ACIN1: variants seen among roughly 807,000 people sequenced by gnomAD.
ACIN1 encodes the protein apoptotic chromatin condensation inducer 1, also known as apoptotic chromatin condensation inducer in the nucleus.
A neutral mutation model predicts 146.6 loss-of-function variants in ACIN1; 16 were observed. The ratio of observed to expected loss-of-function variants is 0.11; its 90% CI spans 0.07 to 0.17. The LOEUF (loss-of-function observed/expected upper bound fraction) is 0.17. ACIN1 is among the 10% of genes least tolerant of loss of function. The pLI, the probability that ACIN1 is intolerant of heterozygous loss-of-function variation, is 1.00. For missense variants in ACIN1, 1,357 were observed against 1,609.3 expected, an observed-to-expected ratio of 0.84 and a Z score of 2.68; for synonymous variants, 569 against 582.7, an observed-to-expected ratio of 0.98 and a Z score of 0.34.
chr14:23,086,357 T>C (rs1037728722), intron 4 of ACIN1, among the ~76,000 whole-genome samples: 18 of 152,188 alleles, frequency 1.2e-4, no homozygotes, highest in African/African-American at 3.6e-4. Flanking sequence ...TGAGCTCTTT[T>C]TGAAAAAATT....
Position 23,064,427 on chromosome 14 carries a change from T to C in ACIN1, c.2370A>G (p.Lys790=). The change falls in exon 11 of 19, where the codon AAA becomes AAG. Residue 790 remains lysine, a synonymous_variant. Transcript: ENST00000605057. Reference sequence around the variant, plus strand: ...TGGCTGTGCTGGCTCCCCAGCGTCGTTTCCGACCAGGCTGGCCCCCCTCTG... The same window carrying C: ...TGGCTGTGCTGGCTCCCCAGCGTCGCTTCCGACCAGGCTGGCCCCCCTCTG... ...SDTEGGQPGR[K]RRWGASTATT... 2 of 1,614,276 alleles carry C rather than the reference T, an allele frequency of 1.2e-6. No homozygotes were observed. The highest frequency in any genetic ancestry group is 1.7e-6 in the Non-Finnish European group (2 of 1,180,042).
At chr14:23,094,478 C>G (rs1035044905) in intron 1 of ACIN1, 56 of 985,118 alleles carry the variant, frequency 5.7e-5, no homozygotes, top group Non-Finnish European at 6.6e-5. Flanking sequence ...AAATAAAGGT[C>G]TCTCTTCATC....
intron 4 of ACIN1, among the ~76,000 whole-genome samples, chr14:23,086,599 C>A (rs535195989): frequency 6.6e-6 from 1 of 152,222 alleles, no homozygotes; most frequent in Admixed American, 6.5e-5. Context: ...AATCTTCCCA[C>A]CTCAGCCTCC....
At position 23,067,468 on chromosome 14, in the gene ACIN1, G is replaced by T; in HGVS notation, c.2266-1460C>A. 1 of 982,650 alleles carries T rather than the reference G, an allele frequency of 1.0e-6. No individual in the cohort carries two copies. The highest frequency in any genetic ancestry group is 1.2e-6 in the Non-Finnish European group (1 of 828,728). The allele number at this position is 982,650 out of a possible 1,614,324, so 60.9% of individuals were successfully genotyped here. Reference sequence around the variant, plus strand: ...GGGCGCACGGCGTGGTAGTCAGCACGGCACTGCCAGAGTCCTCCCAGGGGC... The same window carrying T: ...GGGCGCACGGCGTGGTAGTCAGCACTGCACTGCCAGAGTCCTCCCAGGGGC... On this transcript the variant is annotated intron_variant, in intron 9 of 18. Coordinates refer to ENST00000605057, the MANE Select transcript of ACIN1 (RefSeq NM_001386863.1). The surrounding 1 kb of genome is among the most constrained non-coding windows in gnomAD (Gnocchi z 4.6).
chr14:23,090,208 C>G, intron 3 of ACIN1, 107 bp from the exon 4 acceptor site: 2 of 1,445,628 alleles, frequency 1.4e-6, no homozygotes, highest in East Asian at 2.3e-5. Context: ...TACAGAGATA[C>G]ATACCAAAAA....
rs2047281612 is a variant in ACIN1, at chr14:23,061,561, C to T, written c.3161G>A (p.Gly1054Glu). 1.3e-6 allele frequency: 2 copies of T among 1,575,740 alleles called. No individual in the cohort carries two copies. Among genetic ancestry groups the T allele is most frequent in the Non-Finnish European group, 1.7e-6 (2 of 1,161,630 alleles). ...RPSETKTEEQ[G>E]IPRPLHPPPP... ...TGGGGGGTGCAGGGGCCGTGGTATT[C>T]CCTGCTCCTCTGTCTTAGTTTCAGA... The change falls in exon 17 of 19, where the codon GGA becomes GAA. Residue 1054 changes from glycine (G) to glutamate (E), a missense_variant. This residue lies in a region of ACIN1 where 509 missense variants were observed against 719.6 expected (regional missense o/e 0.71). Transcript: ENST00000605057.
chr14:23,068,608 G>A lies in ACIN1; in HGVS notation c.2265+868C>T, dbSNP rs770745856. ...AGCGGGTGGGTCCAGAGGAAGAGGC[G>A]GCATCAGCGATTGGCCAGTTGGGCA... On this transcript the variant is annotated intron_variant, in intron 9 of 18. Transcript: ENST00000605057. The surrounding 1 kb of genome is among the most constrained non-coding windows in gnomAD (Gnocchi z 4.3). The A allele has an allele frequency of 8.1e-6, 8 of 985,922 alleles. No individual in the cohort carries two copies. The Admixed American group carries it at 2.5e-4, about 30-fold the overall frequency. 61.1% of individuals were successfully genotyped at this position (985,922 alleles called of 1,614,324 possible).
intron 2 of ACIN1, among the ~76,000 whole-genome samples, chr14:23,092,136 T>C (rs2048245543): frequency 6.6e-6 from 1 of 152,108 alleles, no homozygotes; most frequent in Non-Finnish European, 1.5e-5. Context: ...AAGTTGCCCT[T>C]CTGACCTCCA....
chr14:23,061,993 AG>A (rs2047306604), intron 16 of ACIN1, among the ~76,000 whole-genome samples, 174 bp downstream of exon 16: 2 of 150,038 alleles, frequency 1.3e-5, no homozygotes, highest in African/African-American at 2.5e-5. Context: ...AAAAAAAAAA[AG>A]GAGCCCAGGT....
At position 23,080,185 on chromosome 14, in the gene ACIN1, C is replaced by T. The variant is rs373066417; in HGVS notation, c.1150G>A (p.Glu384Lys). ...ATGAGGACAGCGGGGGCTGGGCCTT[C>T]CATGGGCTCTATTTCTTCTTCGCTA... is the stretch of plus-strand genomic sequence containing the variant. ...LHSEEEIEPM[E>K]GPAPAVLIQL... is the part of the protein sequence containing the mutation. Residue 384 changes from glutamate to lysine, a missense_variant, in exon 6 of 19, where the codon GAA becomes AAA. Coordinates refer to ENST00000605057, the MANE Select transcript of ACIN1 (RefSeq NM_001386863.1). 165 of 1,613,992 alleles carry T rather than the reference C, an allele frequency of 1.0e-4. No individual in the cohort carries two copies. The highest frequency in any genetic ancestry group is 1.3e-4 in the Non-Finnish European group (152 of 1,180,018).
chr14:23,062,568 C>T, intron 14 of ACIN1, 45 bp from the exon 15 acceptor site: 1 of 1,535,060 alleles, frequency 6.5e-7, no homozygotes, highest in Non-Finnish European at 9.0e-7. Flanking sequence ...AAGGCAAGAC[C>T]ACCACCCAAT....
Position 23,068,390 on chromosome 14 carries a change from G to C in ACIN1, c.2265+1086C>G, listed in dbSNP as rs1566738015. ...GGGGTGTCCCAAGTAGGGAGATGATGCAAGTCCACCCCTTTCCAAATGTTT... is the reference window on the plus strand; with the variant it reads ...GGGGTGTCCCAAGTAGGGAGATGATCCAAGTCCACCCCTTTCCAAATGTTT... On this transcript the variant is annotated intron_variant, in intron 9 of 18. Coordinates refer to ENST00000605057, the MANE Select transcript of ACIN1 (RefSeq NM_001386863.1). This position sits in a 1 kb window ranked among gnomAD's most constrained non-coding sequence, Gnocchi z 4.3. 8 of 985,922 alleles carry C rather than the reference G, an allele frequency of 8.1e-6. No individual in the cohort carries two copies. The highest frequency in any genetic ancestry group is 4.7e-5 in the South Asian group (1 of 21,294). The allele number at this position is 985,922 out of a possible 1,614,324, so 61.1% of individuals were successfully genotyped here. A position where few individuals can be genotyped will look rare whatever the true frequency, so the allele number is the denominator to read the frequency against.
At position 23,079,555 on chromosome 14, in the gene ACIN1, T is replaced by C; in HGVS notation, c.1780A>G (p.Ser594Gly). The change falls in exon 6 of 19, where the codon AGC becomes GGC. Residue 594 changes from serine to glycine, a missense_variant. Ser to Gly is a moderately conservative substitution (Grantham distance 56). Transcript: ENST00000605057. ...RSRSRSASSN[S>G]RKSLSPGVSR... ...GATTCTCTCATACTCACTTTTCTGC[T>C]GTTGCTTGATGCTGAACGAGAACGT... 6.2e-7 allele frequency: 1 copy of C among 1,607,296 alleles called. No homozygotes were observed. The highest frequency in any genetic ancestry group is 8.5e-7 in the Non-Finnish European group (1 of 1,178,650).
In ACIN1 at chr14:23,068,949, A is replaced by C; in HGVS notation, c.2265+527T>G. ...CCAAAAAAGGAGGTAGAGGGGTCAC[A>C]GGTAACTGAGAATGGGCCTTCCGGA... On this transcript the variant is annotated intron_variant, in intron 9 of 18. Transcript: ENST00000605057. The surrounding 1 kb of genome is among the most constrained non-coding windows in gnomAD (Gnocchi z 4.3). 1 of 985,584 alleles carries C rather than the reference A, an allele frequency of 1.0e-6. No homozygotes were observed. Among genetic ancestry groups the C allele is most frequent in the African/African-American group, 1.7e-5 (1 of 57,348 alleles). The allele number at this position is 985,584 out of a possible 1,614,324, so 61.1% of individuals were successfully genotyped here. A position where few individuals can be genotyped will look rare whatever the true frequency, so the allele number is the denominator to read the frequency against.
intron 7 of ACIN1, 70 bp downstream of exon 7, chr14:23,078,750 T>C: frequency 6.7e-7 from 1 of 1,497,036 alleles, no homozygotes; most frequent in Non-Finnish European, 9.0e-7. Context: ...TTTAGTTTTA[T>C]AGCAAAGACA....
Position 23,064,122 on chromosome 14 carries a change from A to T in ACIN1, c.2578T>A (p.Cys860Ser). ...DGTHDKGLKI[C>S]RTVTQVVPAE... is the part of the protein sequence containing the mutation. ...AGCCTTACCTGAGTGACTGTCCGGC[A>T]TATTTTCAGCCCCTTGTCATGGGTC... The change falls in exon 12 of 19, where the codon TGC (cysteine) becomes AGC (serine). Residue 860 changes from cysteine to serine, a missense_variant. Physicochemically the swap from Cys to Ser is moderately radical, Grantham distance 112. Around this residue, in one of 4 missense-constraint regions of ACIN1, gnomAD observed 509 missense variants for 719.6 expected, o/e 0.71. Transcript: ENST00000605057. 1 of 1,614,148 alleles carries T rather than the reference A, an allele frequency of 6.2e-7. No individual in the cohort carries two copies.
At chr14:23,066,176 G>A (rs1594749633) in intron 9 of ACIN1, 168 bp from the exon 10 acceptor site, 3 of 550,520 alleles carry the variant, frequency 5.4e-6, no homozygotes, top group Non-Finnish European at 9.6e-6. Flanking sequence ...AAACAGAAGC[G>A]GCAAACGGCA....
chr14:23,070,712 G>C (rs1320991376), intron 8 of ACIN1, among the ~76,000 whole-genome samples: 2 of 152,048 alleles, frequency 1.3e-5, no homozygotes, highest in African/African-American at 2.4e-5. Flanking sequence ...GGGAAACCAA[G>C]CCTCCCAGGC....
chr14:23,086,848 A>G (rs2048102733), intron 4 of ACIN1, among the ~76,000 whole-genome samples: 1 of 152,212 alleles, frequency 6.6e-6, no homozygotes, highest in Admixed American at 6.5e-5. Flanking sequence ...TATAAACCAA[A>G]GATCTTGATA....
Sources: gnomAD v4.1 joint callset for allele counts (sites outside exome capture counted in the v4.1 genomes callset) on GRCh38, gnomAD v4.1.1 for gene constraint, gnomAD v4.1.1 regional missense constraint, Gnocchi (gnomAD v3.1) non-coding constraint, MANE v1.5 for transcripts, NCBI Gene and HGNC (gene_info 2026-07-23, HGNC 2026-07-21) for gene names.